Variants in PAPOLA observed in about 807,000 individuals in gnomAD.
PAPOLA encodes poly(A) polymerase alpha.
PAPOLA carries 15 observed loss-of-function variants against 100.6 expected under a neutral mutation model. The observed-to-expected ratio is 0.15, with a 90% CI of 0.10 to 0.23. The LOEUF (loss-of-function observed/expected upper bound fraction) is 0.23. Among genes scored for constraint, PAPOLA ranks in the 10% least tolerant of loss-of-function variants. The probability of loss-of-function intolerance (pLI) is 1.00; values close to 1 mark genes in which losing one functional copy is unlikely to be tolerated. For synonymous variants in PAPOLA, 293 were observed against 300.0 expected (o/e 0.98, Z 0.24); for missense variants, 533 against 884.2 (o/e 0.60, Z 5.04).
At chr14:96,529,670 C>T (rs1216514491) in intron 6 of PAPOLA, among the ~76,000 whole-genome samples, 1 of 151,866 alleles carries the variant, frequency 6.6e-6, no homozygotes, top group Non-Finnish European at 1.5e-5. Context: ...TGCAGTGATC[C>T]AAGATCCTGC....
Position 96,525,386 on chromosome 14 carries a change from CA to C in PAPOLA, c.330del (p.Gly111ValfsTer27), listed in dbSNP as rs1371824745. On this transcript the variant is annotated frameshift_variant, in exon 4 of 22. Transcript: ENST00000216277. LOFTEE classifies it high-confidence loss of function. Reference sequence around the variant, plus strand: ...GGATCTTACAGATTAGGAGTGCATACAAAAGGTAAGTATTATTTCATTTTTC... The same window carrying C: ...GGATCTTACAGATTAGGAGTGCATACAAAGGTAAGTATTATTTCATTTTTC... ...TFGSYRLGVH[T>X]KGADIDALCV... 7.5e-7 allele frequency: 1 copy of C among 1,331,320 alleles called. No individual in the cohort carries two copies. The highest frequency in any genetic ancestry group is 1.1e-6 in the Non-Finnish European group (1 of 944,280). 82.5% of individuals were successfully genotyped at this position (1,331,320 alleles called of 1,614,324 possible). A position where few individuals can be genotyped will look rare whatever the true frequency, so the allele number is the denominator to read the frequency against.
At chr14:96,521,561 T>A (rs1028040293) in intron 3 of PAPOLA, among the ~76,000 whole-genome samples, 3 of 152,162 alleles carry the variant, frequency 2.0e-5, no homozygotes. Flanking sequence ...ACCATTATAG[T>A]GCACTGTAAC....
chr14:96,520,934 C>T (rs1897910888), intron 2 of PAPOLA, 72 bp from the exon 3 acceptor site: 5 of 782,284 alleles, frequency 6.4e-6, no homozygotes, highest in South Asian at 4.2e-5. Flanking sequence ...AGGAAGAACG[C>T]CTATTTAAAA....
chr14:96,555,944 G>A lies in PAPOLA; in HGVS notation c.1762G>A (p.Gly588Arg), dbSNP rs1566865692. ...ACAAGTAAATTCCAGTGAAAGCTCA[G>A]GGGGTAAGGAGATTGGGTTTGTCAG... ...VPQVNSSESS[G>R]GTSSESIPQT... The change falls in exon 18 of 22, where the codon GGG (glycine) becomes AGG (arginine). Residue 588 changes from glycine (G) to arginine (R), a missense_variant. Coordinates refer to ENST00000216277, the MANE Select transcript of PAPOLA (RefSeq NM_032632.5). 1 of 1,588,108 alleles carries A rather than the reference G, an allele frequency of 6.3e-7. No individual in the cohort carries two copies. The highest frequency in any genetic ancestry group is 1.1e-5 in the South Asian group (1 of 90,382).
intron 12 of PAPOLA, chr14:96,537,350 G>A (rs1396321629): frequency 1.2e-5 from 3 of 259,632 alleles, no homozygotes; most frequent in Non-Finnish European, 1.5e-5. Context: ...GTATACAGTG[G>A]CAAGTGGATG....
At chr14:96,539,844 G>A (rs577575595) in intron 12 of PAPOLA, among the ~76,000 whole-genome samples, 41 of 152,194 alleles carry the variant, frequency 2.7e-4, no homozygotes, top group African/African-American at 9.6e-4. Flanking sequence ...AGAGAATGCA[G>A]TTGGAATTTT....
At chr14:96,533,458 G>A (rs1899221076) in intron 9 of PAPOLA, 3 of 983,358 alleles carry the variant, frequency 3.1e-6, no homozygotes, top group Non-Finnish European at 1.2e-6. Flanking sequence ...TTAGAACCAT[G>A]CCACACTTTT....
intron 6 of PAPOLA, among the ~76,000 whole-genome samples, 173 bp from the exon 7 acceptor site, chr14:96,531,302 G>A (rs1422022786): frequency 1.4e-5 from 2 of 148,054 alleles, no homozygotes; most frequent in Admixed American, 6.6e-5. Context: ...TGCCAGACCT[G>A]TATTTTTTTT....
chr14:96,541,377 G>A (rs916150716), intron 12 of PAPOLA, among the ~76,000 whole-genome samples: 8 of 152,142 alleles, frequency 5.3e-5, no homozygotes, highest in African/African-American at 1.9e-4. Context: ...TGAAACTAGT[G>A]TCAGTACTAG....
chr14:96,566,206 T>G lies in PAPOLA; in HGVS notation c.*1156T>G, dbSNP rs1902257819. On this transcript the variant is annotated 3_prime_UTR_variant, in exon 22 of 22. Coordinates refer to ENST00000216277, the MANE Select transcript of PAPOLA (RefSeq NM_032632.5). ...AAACTAATTCTTATTTTTAAATGGTTTACCAAAATTTGTCAGTACATTTTA... is the reference window on the plus strand; with the variant it reads ...AAACTAATTCTTATTTTTAAATGGTGTACCAAAATTTGTCAGTACATTTTA... 2 of 308,910 alleles carry G rather than the reference T, an allele frequency of 6.5e-6. No individual in the cohort carries two copies. Among genetic ancestry groups the G allele is most frequent in the South Asian group, 3.2e-4 (2 of 6,272 alleles). 19.1% of individuals were successfully genotyped at this position (308,910 alleles called of 1,614,324 possible). A position where few individuals can be genotyped will look rare whatever the true frequency, so the allele number is the denominator to read the frequency against.
intron 2 of PAPOLA, 101 bp from the exon 3 acceptor site, chr14:96,520,905 G>A: frequency 1.4e-6 from 1 of 704,824 alleles, no homozygotes; most frequent in Non-Finnish European, 2.6e-6. Flanking sequence ...GCTTCTGATT[G>A]CTTAAAAACT....
intron 1 of PAPOLA, 104 bp downstream of exon 1, chr14:96,502,704 C>A: frequency 7.7e-7 from 1 of 1,306,708 alleles, no homozygotes; most frequent in Non-Finnish European, 1.0e-6. Context: ...GAGCCCGACC[C>A]TCCCCGCTGG....
At chr14:96,527,175 C>T in intron 4 of PAPOLA, 1 of 446,478 alleles carries the variant, frequency 2.2e-6, no homozygotes, top group Non-Finnish European at 4.0e-6. Flanking sequence ...AAAGTACTTG[C>T]TGAGCCATCT....
intron 19 of PAPOLA, among the ~76,000 whole-genome samples, chr14:96,559,651 A>T (rs1901679959): frequency 6.7e-6 from 1 of 148,890 alleles, no homozygotes. Context: ...GTATATATTT[A>T]AAACTTTCTG....
At chr14:96,559,730 TAAC>T (rs1171082838) in intron 19 of PAPOLA, among the ~76,000 whole-genome samples, 6 of 151,810 alleles carry the variant, frequency 4.0e-5, no homozygotes, top group Admixed American at 1.3e-4. Flanking sequence ...CTTCAACAGT[TAAC>T]AACTCACAGC....
intron 9 of PAPOLA, 182 bp from the exon 10 acceptor site, chr14:96,534,309 T>C: frequency 7.2e-7 from 1 of 1,386,810 alleles, no homozygotes; most frequent in Non-Finnish European, 9.3e-7. Context: ...TTTAAGTTCA[T>C]TTCATAGTTA....
At chr14:96,563,091 C>T (rs889181832) in intron 21 of PAPOLA, among the ~76,000 whole-genome samples, 198 bp downstream of exon 21, 3 of 152,046 alleles carry the variant, frequency 2.0e-5, no homozygotes, top group East Asian at 1.9e-4. Context: ...GGGACTGTTT[C>T]GATGTTAACC....
At chr14:96,547,241 G>T (rs1395099966) in intron 15 of PAPOLA, among the ~76,000 whole-genome samples, 1 of 151,826 alleles carries the variant, frequency 6.6e-6, no homozygotes, top group Non-Finnish European at 1.5e-5. Context: ...ACTTTTTGGG[G>T]CCCTCTGGAT....
chr14:96,550,262 T>C (rs1900737720), intron 16 of PAPOLA, among the ~76,000 whole-genome samples: 2 of 152,240 alleles, frequency 1.3e-5, no homozygotes, highest in Admixed American at 1.3e-4. Context: ...TAATTCATAA[T>C]CAAATAGCTA....
Sources: allele counts gnomAD v4.1 joint callset (sites outside exome capture counted in the v4.1 genomes callset), GRCh38; gene constraint gnomAD v4.1.1; transcripts MANE v1.5; gene names NCBI Gene and HGNC (gene_info 2026-07-23, HGNC 2026-07-21).